The following LAMC2 variants were observed in gnomAD, a reference collection of about 807,000 sequenced individuals.
The protein encoded by LAMC2 is laminin subunit gamma 2.
LAMC2 carries 97 observed loss-of-function variants against 140.2 expected under a neutral mutation model. That is an observed-to-expected ratio of 0.69 (90% CI 0.59 to 0.82). The LOEUF is 0.82. LAMC2 is among the 40% of genes least tolerant of loss of function. LAMC2 has a pLI of 0.00. For synonymous variants in LAMC2, 513 were observed against 540.2 expected, an observed-to-expected ratio of 0.95 and a Z score of 0.70; for missense variants, 1,402 against 1,476.1, an observed-to-expected ratio of 0.95 and a Z score of 0.82.
chr1:183,255,268 G>A, the LAMC2 span, among the ~76,000 whole-genome samples: 2 of 152,134 alleles, frequency 1.3e-5, no homozygotes, highest in Non-Finnish European at 2.9e-5. Context: ...CGGTTCCACT[G>A]CTCTATGTGT....
At chr1:183,207,849 T>TTTGACGATC in intron 1 of LAMC2, 32 bp from the exon 2 acceptor site, 4 of 1,574,792 alleles carry the variant, frequency 2.5e-6, no homozygotes, top group Non-Finnish European at 3.5e-6. Flanking sequence ...TTTTTTTTTT[T>TTTGACGATC]TGACGATCTC....
chr1:183,223,246 C>A lies in LAMC2; in HGVS notation c.875C>A (p.Ala292Asp). 6.2e-7 allele frequency: 1 copy of A among 1,614,204 alleles called. No homozygotes were observed. The highest frequency in any genetic ancestry group is 1.3e-5 in the African/African-American group (1 of 75,052). ...GCCCATGATGTGATTCTGGAAGGTG[C>A]TGGTCTACGGATCACAGCTCCCTTG... ...PSAHDVILEG[A>D]GLRITAPLMP... The change falls in exon 7 of 23, where the codon GCT (alanine) becomes GAT (aspartate). Residue 292 changes from alanine (A) to aspartate (D), a missense_variant. Ala to Asp is a moderately radical substitution (Grantham distance 126, BLOSUM62 -2). Transcript: ENST00000264144.
chr1:183,216,668 C>T (rs935899976), intron 3 of LAMC2, among the ~76,000 whole-genome samples: 2 of 152,192 alleles, frequency 1.3e-5, no homozygotes, highest in Admixed American at 6.5e-5. Context: ...CAGAGGCCTT[C>T]CTGCAGCAGT....
chr1:183,243,939 GT>G lies in LAMC2; in HGVS notation c.*540del, dbSNP rs1660190529. The G allele has an allele frequency of 5.6e-6, 1 of 177,764 alleles. No individual in the cohort carries two copies. The highest frequency in any genetic ancestry group is 1.2e-5 in the Non-Finnish European group (1 of 82,782). 11.0% of individuals were successfully genotyped at this position (177,764 alleles called of 1,614,324 possible). On this transcript the variant is annotated 3_prime_UTR_variant, in exon 23 of 23. Transcript: ENST00000264144. The stretch of plus-strand genomic sequence containing the variant: ...GTTCCTCCTACTTACAACCCAGGGT[GT>G]GAACATGTTCTCCATTTTCAAGCTG...
chr1:183,257,087 C>T, the LAMC2 span, among the ~76,000 whole-genome samples: 155 of 152,076 alleles, frequency 1.0e-3, 1 homozygote, highest in East Asian at 0.019. Context: ...GTATCAAAGG[C>T]GATGCTGGCC....
Position 183,244,327 on chromosome 1 carries a change from C to T in LAMC2, c.*927C>T, listed in dbSNP as rs1046089246. ...CAATCTCCTCTCTCTTTCCTCCACC[C>T]ATAATAAGAGAATGTTCCTACTCAC... On this transcript the variant is annotated 3_prime_UTR_variant, in exon 23 of 23. Transcript: ENST00000264144. 1.3e-5 allele frequency: 2 copies of T among 152,094 alleles called. No homozygotes were observed. Among genetic ancestry groups the T allele is most frequent in the Admixed American group, 6.5e-5 (1 of 15,272 alleles). The allele number at this position is 152,094 out of a possible 1,614,324, so 9.4% of individuals were successfully genotyped here.
chr1:183,220,497 C>T (rs1437112298), intron 4 of LAMC2, among the ~76,000 whole-genome samples: 3 of 152,070 alleles, frequency 2.0e-5, no homozygotes, highest in African/African-American at 7.2e-5. Context: ...TAGCCCTGCC[C>T]ACACCCATTC....
chr1:183,217,352 C>CACAA (rs112773271), intron 3 of LAMC2, among the ~76,000 whole-genome samples: 3,556 of 151,042 alleles, frequency 0.024, 59 homozygotes, highest in East Asian at 0.054. Flanking sequence ...AAAATCTTGC[C>CACAA]ACAAACAAAC....
In LAMC2 at chr1:183,235,707, T is replaced by C. The variant is rs376328057; in HGVS notation, c.2433T>C (p.Ala811=). The C allele has an allele frequency of 1.4e-5, 23 of 1,614,214 alleles. No homozygotes were observed. The highest frequency in any genetic ancestry group is 1.7e-5 in the Non-Finnish European group (20 of 1,180,032). ...VGSGSGSPDG[A]VVQGLVEKLE... ...GCGGAAGCGGTAGCCCGGACGGTGCTGTGGTGCAAGGGCTTGTGGAAAAGT... is the reference window on the plus strand; with the variant it reads ...GCGGAAGCGGTAGCCCGGACGGTGCCGTGGTGCAAGGGCTTGTGGAAAAGT... The change falls in exon 16 of 23, where the codon GCT becomes GCC. Residue 811 remains alanine (A), a synonymous_variant. Coordinates refer to ENST00000264144, the MANE Select transcript of LAMC2 (RefSeq NM_005562.3).
rs541226300 is a variant in LAMC2 at position 183,234,430 on chromosome 1, A to G, written c.2284A>G (p.Thr762Ala). The change falls in exon 15 of 23, where the codon ACA becomes GCA. Residue 762 changes from threonine to alanine, a missense_variant. This residue lies in a region of LAMC2 where 670 missense variants were observed against 667.2 expected (regional missense o/e 1.00). Transcript: ENST00000264144. The stretch of plus-strand genomic sequence containing the variant: ...CTTTAAAAGTCTGGCTCAGGAGGCC[A>G]CAAGATTAGCAGAAAGGTGAGCAGC... ...NGFKSLAQEA[T>A]RLAESHVESA... The G allele has an allele frequency of 1.9e-6, 3 of 1,614,086 alleles. No homozygotes were observed. The highest frequency in any genetic ancestry group is 2.2e-5 in the South Asian group (2 of 91,068).
At chr1:183,220,590 G>A (rs962555804) in intron 4 of LAMC2, among the ~76,000 whole-genome samples, 1 of 152,024 alleles carries the variant, frequency 6.6e-6, no homozygotes, top group African/African-American at 2.4e-5. Context: ...ATGTGGCTCT[G>A]TTCTACAAAG....
At chr1:183,195,102 C>G (rs1658473153) in intron 1 of LAMC2, among the ~76,000 whole-genome samples, 1 of 152,210 alleles carries the variant, frequency 6.6e-6, no homozygotes, top group Non-Finnish European at 1.5e-5. Flanking sequence ...ACCCTCCACT[C>G]CTTTGCTAGT....
chr1:183,218,311 C>T (rs957633750), intron 3 of LAMC2, 79 bp from the exon 4 acceptor site: 45 of 1,139,092 alleles, frequency 4.0e-5, no homozygotes, highest in Non-Finnish European at 5.2e-5. Context: ...GATGTTTGCT[C>T]ATGAGCAGTT....
At chr1:183,224,677 C>T (rs1396541522) in intron 7 of LAMC2, among the ~76,000 whole-genome samples, 2 of 93,804 alleles carry the variant, frequency 2.1e-5, no homozygotes, top group African/African-American at 7.9e-5. Context: ...TAATGATACA[C>T]ACACACACAC....
chr1:183,226,031 T>C (rs1659614676), intron 8 of LAMC2, among the ~76,000 whole-genome samples: 1 of 152,132 alleles, frequency 6.6e-6, no homozygotes, highest in Non-Finnish European at 1.5e-5. Context: ...TTTCCTTAGC[T>C]AGGAAATGGC....
At chr1:183,191,579 T>A (rs1658334323) in intron 1 of LAMC2, among the ~76,000 whole-genome samples, 1 of 151,430 alleles carries the variant, frequency 6.6e-6, no homozygotes, top group South Asian at 2.1e-4. Flanking sequence ...TGTAGAGGGC[T>A]GGGTGCGGTG....
rs200608750 is a variant in LAMC2 at position 183,237,363 on chromosome 1, A to C, written c.2613A>C (p.Ala871=). ...VSDQSFQVEE[A]KRIKQKADSL... ...CTTTGGGCTCATAGGTGGAAGAAGC[A>C]AAGAGGATCAAACAAAAAGCGGATT... Residue 871 remains alanine (A), a synonymous_variant, in exon 18 of 23, where the codon GCA becomes GCC. Transcript: ENST00000264144. 1.2e-5 allele frequency: 20 copies of C among 1,614,086 alleles called. No homozygotes were observed. Among genetic ancestry groups the C allele is most frequent in the Non-Finnish European group, 1.7e-5 (20 of 1,180,030 alleles).
chr1:183,227,583 G>C lies in LAMC2; in HGVS notation c.1354G>C (p.Asp452His), dbSNP rs562010289. The C allele has an allele frequency of 6.2e-6, 10 of 1,613,948 alleles. No individual in the cohort carries two copies. Among genetic ancestry groups the C allele is most frequent in the Non-Finnish European group, 8.5e-6 (10 of 1,180,032 alleles). The change falls in exon 10 of 23, where the codon GAT becomes CAT. Residue 452 changes from aspartate to histidine, a missense_variant. Physicochemically the swap from Asp to His is moderately conservative, Grantham distance 81. Transcript: ENST00000264144. ...TGACTGCCCAATTGGTTTCTACAAC[G>C]ATCCGCACGACCCCCGCAGCTGCAA... ...CADCPIGFYN[D>H]PHDPRSCKPC...
At chr1:183,248,523 G>C (rs1023314091), downstream of LAMC2, 1 of 152,462 alleles carries the variant, frequency 6.6e-6, no homozygotes, top group Admixed American at 6.5e-5. Context: ...ACTAGACTAA[G>C]GTTGAGGGAA....
Sources: gnomAD v4.1 joint callset for allele counts (sites outside exome capture counted in the v4.1 genomes callset) on GRCh38, gnomAD v4.1.1 for gene constraint, gnomAD v4.1.1 regional missense constraint, MANE v1.5 for transcripts, NCBI Gene and HGNC (gene_info 2026-07-23, HGNC 2026-07-21) for gene names.